ZNF184: variants seen among roughly 807,000 people sequenced by gnomAD.
ZNF184 encodes the protein zinc finger protein 184 (Kruppel-like).
A neutral mutation model predicts 54.4 loss-of-function variants in ZNF184; 16 were observed. The observed-to-expected ratio is 0.29, with a 90% CI of 0.20 to 0.45. ZNF184 has a LOEUF of 0.45. Among genes scored for constraint, ZNF184 ranks in the 20% least tolerant of loss-of-function variants. The pLI, the probability that ZNF184 is intolerant of heterozygous loss-of-function variation, is 1.00. For synonymous variants in ZNF184, 254 were observed against 295.3 expected (o/e 0.86, Z 1.43); for missense variants, 681 against 888.2 (o/e 0.77, Z 2.97).
In ZNF184 at chr6:27,452,753, T is replaced by A; in HGVS notation, c.806A>T (p.Gln269Leu). The A allele has an allele frequency of 1.9e-6, 3 of 1,614,044 alleles. No homozygotes were observed. In the African/African-American group the frequency reaches 4.0e-5, roughly 22 times the overall value. The change falls in exon 6 of 6, where the codon CAA becomes CTA. Residue 269 changes from glutamine (Q) to leucine (L), a missense_variant. Gln to Leu is a moderately radical substitution (Grantham distance 113, BLOSUM62 -2). Coordinates refer to ENST00000683788, the MANE Select transcript of ZNF184 (RefSeq NM_001318891.2). The surrounding 1 kb of genome is among the most constrained non-coding windows in gnomAD (Gnocchi z 5.5). ...FSRSENLINH[Q>L]RIHTGDKPYK... is the part of the protein sequence containing the mutation. ...TGGTTTATCTCCAGTATGAATTCTT[T>A]GATGGTTTATAAGGTTTTCACTCCG...
rs368975277 is a variant in ZNF184 at position 27,457,245 on chromosome 6, C to A, written c.202+38G>T. On this transcript the variant is annotated intron_variant, in intron 4 of 5. Transcript: ENST00000683788. ...AGCACAAGAGAGAACCCTCCTCCTGCACACCCCTTGATATTAACTCAGAGA... is the reference window on the plus strand; with the variant it reads ...AGCACAAGAGAGAACCCTCCTCCTGAACACCCCTTGATATTAACTCAGAGA... The A allele has an allele frequency of 3.7e-6, 6 of 1,603,984 alleles. No individual in the cohort carries two copies. In the African/African-American group the frequency reaches 8.0e-5, roughly 21 times the overall value.
chr6:27,422,031 C>G, the ZNF184 span, among the ~76,000 whole-genome samples: 1 of 151,130 alleles, frequency 6.6e-6, no homozygotes, highest in East Asian at 1.9e-4. Flanking sequence ...GTCCCAGCTA[C>G]TGGGAAAGTT....
At chr6:27,454,274 C>T (rs1208127771) in intron 5 of ZNF184, among the ~76,000 whole-genome samples, 1 of 152,154 alleles carries the variant, frequency 6.6e-6, no homozygotes, top group African/African-American at 2.4e-5. Flanking sequence ...ATCACTACCA[C>T]TACCACTATC....
At chr6:27,430,686 A>G in the ZNF184 span, among the ~76,000 whole-genome samples, 4 of 152,232 alleles carry the variant, frequency 2.6e-5, no homozygotes, top group Admixed American at 6.5e-5. Context: ...AACTTAATTC[A>G]GACTTCTGGA....
the ZNF184 span, chr6:27,407,897 A>G: frequency 2.2e-6 from 2 of 919,036 alleles, no homozygotes; most frequent in Non-Finnish European, 3.7e-6. Flanking sequence ...TAATGAGTGA[A>G]GATGAGCTGA....
chr6:27,455,182 T>C (rs554568161), intron 5 of ZNF184, among the ~76,000 whole-genome samples: 77 of 152,330 alleles, frequency 5.1e-4, no homozygotes, highest in Admixed American at 8.5e-4. Context: ...CTGATAAAGA[T>C]AGACTTGAGG....
chr6:27,459,144 G>T (rs1762937353), intron 3 of ZNF184, among the ~76,000 whole-genome samples: 1 of 152,136 alleles, frequency 6.6e-6, no homozygotes, highest in Non-Finnish European at 1.5e-5. Context: ...TAGATGGAAG[G>T]AATAAGTTCC....
At chr6:27,436,574 C>T in the ZNF184 span, among the ~76,000 whole-genome samples, 1 of 152,150 alleles carries the variant, frequency 6.6e-6, no homozygotes, top group East Asian at 1.9e-4. Flanking sequence ...TGTGGTGTAT[C>T]GCATTAACTT....
chr6:27,438,479 A>G, the ZNF184 span, among the ~76,000 whole-genome samples: 1 of 152,152 alleles, frequency 6.6e-6, no homozygotes, highest in Non-Finnish European at 1.5e-5. Context: ...TTAATTGGAC[A>G]TGCCATCTGA....
chr6:27,424,181 C>T, the ZNF184 span, among the ~76,000 whole-genome samples: 1 of 152,162 alleles, frequency 6.6e-6, no homozygotes, highest in Admixed American at 6.5e-5. Context: ...TGTTAGAGCT[C>T]TTAAGGCACC....
intron 3 of ZNF184, among the ~76,000 whole-genome samples, chr6:27,466,144 GAGA>G (rs1763131746): frequency 2.6e-4 from 3 of 11,686 alleles, no homozygotes; most frequent in African/African-American, 9.4e-4. Context: ...GTCAGAGGGA[GAGA>G]GAGAGAGAGA....
the ZNF184 span, among the ~76,000 whole-genome samples, chr6:27,442,820 AAG>A: frequency 0.25 from 9,207 of 36,778 alleles, 1,460 homozygotes; most frequent in Middle Eastern, 0.45. Flanking sequence ...AAGAGAAAGA[AAG>A]AAAGAAAGAA....
At chr6:27,437,384 A>G in the ZNF184 span, among the ~76,000 whole-genome samples, 10 of 152,146 alleles carry the variant, frequency 6.6e-5, no homozygotes, top group African/African-American at 2.4e-4. Flanking sequence ...GCTGAGACCA[A>G]CCTCTAGTCA....
At chr6:27,424,072 G>A in the ZNF184 span, among the ~76,000 whole-genome samples, 1 of 152,158 alleles carries the variant, frequency 6.6e-6, no homozygotes, top group African/African-American at 2.4e-5. Flanking sequence ...CACGCCTGGA[G>A]TTTGTTCCTT....
At chr6:27,471,226 C>T (rs1341851552) in intron 2 of ZNF184, among the ~76,000 whole-genome samples, 1 of 152,124 alleles carries the variant, frequency 6.6e-6, no homozygotes. Context: ...TTCATCAAAT[C>T]CGCTAGTGGC....
rs1315073505 is a variant in ZNF184, at chr6:27,453,068, A to G, written c.491T>C (p.Ile164Thr). The stretch of plus-strand genomic sequence containing the variant: ...GGGTATTGTCTTTTCGGTTACCTTT[A>G]TTTCCTTTGGCAGTGTCTGTTGGTT... ...QANQQTLPKE[I>T]KVTEKTIPSW... The change falls in exon 6 of 6, where the codon ATA (isoleucine) becomes ACA (threonine). Residue 164 changes from isoleucine (I) to threonine (T), a missense_variant. Transcript: ENST00000683788. This position sits in a 1 kb window ranked among gnomAD's most constrained non-coding sequence, Gnocchi z 4.7. The G allele has an allele frequency of 6.2e-7, 1 of 1,613,698 alleles. No individual in the cohort carries two copies. Among genetic ancestry groups the G allele is most frequent in the Non-Finnish European group, 8.5e-7 (1 of 1,179,940 alleles).
chr6:27,431,861 C>T, the ZNF184 span, among the ~76,000 whole-genome samples: 1 of 152,160 alleles, frequency 6.6e-6, no homozygotes, highest in African/African-American at 2.4e-5. Context: ...ACAACCACCC[C>T]AAATTTGGTT....
the ZNF184 span, among the ~76,000 whole-genome samples, chr6:27,416,614 G>A: frequency 5.9e-5 from 9 of 152,070 alleles, no homozygotes; most frequent in Non-Finnish European, 1.2e-4. Flanking sequence ...TCCCAATCAT[G>A]GGACAATATT....
rs374514878 is a variant in ZNF184, at chr6:27,451,666, T to A, written c.1893A>T (p.Gln631His). ...KAFRHCSSLAQHQKTHTEEKP... is the reference protein window; with the variant it reads ...KAFRHCSSLAHHQKTHTEEKP... ...TTTCTTCTGTGTGAGTTTTTTGATG[T>A]TGAGCAAGAGATGAACAATGTCGAA... The change falls in exon 6 of 6, where the codon CAA (glutamine) becomes CAT (histidine). Residue 631 changes from glutamine (Q) to histidine (H), a missense_variant. Gln to His is a conservative substitution (Grantham distance 24). Transcript: ENST00000683788. 1 of 1,614,040 alleles carries A rather than the reference T, an allele frequency of 6.2e-7. No individual in the cohort carries two copies. Among genetic ancestry groups the A allele is most frequent in the Non-Finnish European group, 8.5e-7 (1 of 1,180,006 alleles).
Sources: allele counts gnomAD v4.1 joint callset (sites outside exome capture counted in the v4.1 genomes callset), GRCh38; gene constraint gnomAD v4.1.1; non-coding constraint Gnocchi (gnomAD v3.1); transcripts MANE v1.5; gene names NCBI Gene and HGNC (gene_info 2026-07-23, HGNC 2026-07-21).